Variants in WDR19 observed in about 807,000 individuals in gnomAD.
The protein encoded by WDR19 is WD repeat-containing protein 19.
A neutral mutation model predicts 180.0 loss-of-function variants in WDR19; 121 were observed. That is an observed-to-expected ratio of 0.67 (90% CI 0.58 to 0.78). The LOEUF is 0.78. Among genes scored for constraint, WDR19 ranks in the 30% least tolerant of loss-of-function variants. The probability of loss-of-function intolerance (pLI) is 0.00; values close to 1 mark genes in which losing one functional copy is unlikely to be tolerated. For synonymous variants in WDR19, 497 were observed against 540.7 expected (o/e 0.92, Z 1.12); for missense variants, 1,450 against 1,640.7 (o/e 0.88, Z 2.01).
intron 3 of WDR19, 53 bp from the exon 4 acceptor site, chr4:39,189,603 G>C: frequency 6.9e-7 from 1 of 1,448,530 alleles, no homozygotes; most frequent in South Asian, 1.5e-5. Context: ...ATCACAAATA[G>C]TAATTTTACT....
intron 15 of WDR19, among the ~76,000 whole-genome samples, chr4:39,226,549 T>C (rs992148162): frequency 2.6e-5 from 4 of 152,276 alleles, no homozygotes; most frequent in African/African-American, 7.2e-5. Context: ...TATAGCATAG[T>C]GGTTAGAAGC....
chr4:39,197,626 C>T (rs1347979373), intron 5 of WDR19, among the ~76,000 whole-genome samples: 9 of 151,728 alleles, frequency 5.9e-5, no homozygotes, highest in Non-Finnish European at 2.9e-5. Flanking sequence ...TTCAGAAATA[C>T]CCATAGTGTC....
intron 21 of WDR19, among the ~76,000 whole-genome samples, chr4:39,240,955 C>CAAA (rs34831969): frequency 3.5e-5 from 4 of 115,728 alleles, no homozygotes; most frequent in Admixed American, 8.6e-5. Context: ...GACTCCATCT[C>CAAA]AAAAAAAAAA....
intron 9 of WDR19, among the ~76,000 whole-genome samples, chr4:39,210,907 C>A (rs994080188): frequency 3.3e-5 from 5 of 151,970 alleles, no homozygotes; most frequent in African/African-American, 1.2e-4. Flanking sequence ...GAGGCCAAGG[C>A]GGGAGAATCA....
intron 3 of WDR19, among the ~76,000 whole-genome samples, chr4:39,189,047 C>A (rs1375360067): frequency 6.6e-6 from 1 of 152,066 alleles, no homozygotes. Context: ...CTCAGCCTCC[C>A]AAGTAGCTGG....
chr4:39,229,873 A>G (rs1005801926), intron 17 of WDR19, among the ~76,000 whole-genome samples: 1 of 152,066 alleles, frequency 6.6e-6, no homozygotes, highest in African/African-American at 2.4e-5. Flanking sequence ...ACAGGCCCCT[A>G]TTTTCCCTCA....
At chr4:39,241,688 C>T (rs113423134) in intron 21 of WDR19, among the ~76,000 whole-genome samples, 22,687 of 149,642 alleles carry the variant, frequency 0.15, 1,771 homozygotes, top group Middle Eastern at 0.19. Context: ...CCCAGCTACT[C>T]GGGTAGCTGA....
chr4:39,221,892 A>G (rs1729744667), intron 14 of WDR19, among the ~76,000 whole-genome samples: 1 of 152,210 alleles, frequency 6.6e-6, no homozygotes, highest in Non-Finnish European at 1.5e-5. Context: ...TAGTATGTAT[A>G]TATCATAATT....
At chr4:39,232,425 G>A (rs1399100740) in intron 19 of WDR19, 153 bp downstream of exon 19, 3 of 552,440 alleles carry the variant, frequency 5.4e-6, no homozygotes, top group African/African-American at 1.9e-5. Flanking sequence ...AGAAGTCCTA[G>A]ACCAGCCTGA....
At chr4:39,190,724 C>T (rs750341860) in intron 4 of WDR19, among the ~76,000 whole-genome samples, 6 of 152,174 alleles carry the variant, frequency 3.9e-5, no homozygotes, top group Non-Finnish European at 8.8e-5. Flanking sequence ...CCAAAGTGAC[C>T]GTTGAGGCAA....
chr4:39,262,539 C>T (rs1392505315), intron 28 of WDR19, among the ~76,000 whole-genome samples: 2 of 152,164 alleles, frequency 1.3e-5, no homozygotes, highest in African/African-American at 2.4e-5. Context: ...AGTGCCCAGC[C>T]TTAAACTGCC....
chr4:39,266,004 T>G (rs1233107246), intron 28 of WDR19, 59 bp from the exon 29 acceptor site: 3 of 1,405,378 alleles, frequency 2.1e-6, no homozygotes, highest in Non-Finnish European at 9.9e-7. Flanking sequence ...TGTCTTTTTC[T>G]CCACTCTTGC....
At chr4:39,267,558 T>G (rs537998968) in intron 29 of WDR19, among the ~76,000 whole-genome samples, 8 of 152,364 alleles carry the variant, frequency 5.3e-5, no homozygotes, top group African/African-American at 1.9e-4. Context: ...AAAATTGATA[T>G]GCATATAAAA....
At chr4:39,195,363 T>A (rs1376780649) in intron 5 of WDR19, among the ~76,000 whole-genome samples, 1 of 77,994 alleles carries the variant, frequency 1.3e-5, no homozygotes, top group East Asian at 4.2e-4. Context: ...TGAGACTTCA[T>A]CTCAAAAAAA....
At chr4:39,190,812 A>T (rs1726077281) in intron 4 of WDR19, among the ~76,000 whole-genome samples, 1 of 152,188 alleles carries the variant, frequency 6.6e-6, no homozygotes. Context: ...CTGTCCTCTT[A>T]CACTTTGGGT....
intron 5 of WDR19, 133 bp from the exon 6 acceptor site, chr4:39,199,345 T>G (rs1190847964): frequency 3.0e-6 from 2 of 658,162 alleles, no homozygotes; most frequent in Non-Finnish European, 5.2e-6. Flanking sequence ...TAAATAAGGT[T>G]GCGTAGACAT....
chr4:39,254,852 G>C (rs929663360), intron 26 of WDR19, among the ~76,000 whole-genome samples: 1 of 151,976 alleles, frequency 6.6e-6, no homozygotes, highest in Non-Finnish European at 1.5e-5. Flanking sequence ...ACTATTCATG[G>C]TACCTCGTAT....
intron 34 of WDR19, 116 bp downstream of exon 34, chr4:39,277,259 C>T (rs1578058445): frequency 1.1e-5 from 13 of 1,170,620 alleles, no homozygotes; most frequent in Non-Finnish European, 1.5e-5. Flanking sequence ...CCTCAAATTT[C>T]CTGCAACATC....
intron 14 of WDR19, among the ~76,000 whole-genome samples, chr4:39,224,248 C>T (rs1730000547): frequency 1.3e-5 from 2 of 152,216 alleles, no homozygotes; most frequent in East Asian, 1.9e-4. Context: ...TTAAAAGTTA[C>T]TCCTATATAA....
Sources: gnomAD v4.1 joint callset for allele counts (sites outside exome capture counted in the v4.1 genomes callset) on GRCh38, gnomAD v4.1.1 for gene constraint, MANE v1.5 for transcripts, NCBI Gene and HGNC (gene_info 2026-07-23, HGNC 2026-07-21) for gene names.